The following FAM216B variants were observed in gnomAD, a reference collection of about 807,000 sequenced individuals.
The protein encoded by FAM216B is protein FAM216B.
A neutral mutation model predicts 12.9 loss-of-function variants in FAM216B; 11 were observed. The ratio of observed to expected loss-of-function variants is 0.86; its 90% CI spans 0.54 to 1.42. FAM216B has a LOEUF of 1.42. Among genes scored for constraint, FAM216B ranks in the 40% most tolerant of loss-of-function variants. FAM216B has a pLI of 0.00. For synonymous variants in FAM216B, 52 were observed against 57.2 expected, an observed-to-expected ratio of 0.91 and a Z score of 0.41; for missense variants, 167 against 162.9, an observed-to-expected ratio of 1.02 and a Z score of -0.14.
chr13:42,786,605 C>T (rs1874097499), intron 2 of FAM216B, among the ~76,000 whole-genome samples, 158 bp from the exon 3 acceptor site: 2 of 151,388 alleles, frequency 1.3e-5, no homozygotes, highest in Admixed American at 1.3e-4. Context: ...AGAGGAAACT[C>T]CCCAGTTGTT....
At chr13:42,782,493 C>T (rs1873893160) in intron 1 of FAM216B, among the ~76,000 whole-genome samples, 2 of 152,160 alleles carry the variant, frequency 1.3e-5, no homozygotes, top group African/African-American at 4.8e-5. Context: ...AGTTAATATA[C>T]GTGCAGGTAT....
At chr13:42,782,281 G>T (rs964642267) in intron 1 of FAM216B, among the ~76,000 whole-genome samples, 1 of 152,186 alleles carries the variant, frequency 6.6e-6, no homozygotes, top group Non-Finnish European at 1.5e-5. Flanking sequence ...ATGAACATGC[G>T]TGAAGGTCGG....
intron 2 of FAM216B, among the ~76,000 whole-genome samples, chr13:42,785,936 A>T (rs1187830404): frequency 2.0e-5 from 3 of 152,098 alleles, no homozygotes; most frequent in East Asian, 3.9e-4. Flanking sequence ...TCCTCCCACC[A>T]ATTAGGACAA....
rs1307884018 is a variant in FAM216B at position 42,789,850 on chromosome 13, T to A, written c.*1060T>A. ...ATTGATCTGAAAGGAATATGCTGCATTATTATCAGAAAAAAAATCATTATC... is the reference window on the plus strand; with the variant it reads ...ATTGATCTGAAAGGAATATGCTGCAATATTATCAGAAAAAAAATCATTATC... On this transcript the variant is annotated 3_prime_UTR_variant, in exon 4 of 4. Coordinates refer to ENST00000313851, the MANE Select transcript of FAM216B (RefSeq NM_001318932.2). The A allele has an allele frequency of 6.6e-6, 1 of 152,178 alleles. No individual in the cohort carries two copies. Among genetic ancestry groups the A allele is most frequent in the African/African-American group, 2.4e-5 (1 of 41,442 alleles). 9.4% of individuals were successfully genotyped at this position (152,178 alleles called of 1,614,324 possible). A position where few individuals can be genotyped will look rare whatever the true frequency, so the allele number is the denominator to read the frequency against.
chr13:42,785,292 A>C (rs145446866), intron 2 of FAM216B, among the ~76,000 whole-genome samples: 2 of 152,346 alleles, frequency 1.3e-5, no homozygotes, highest in African/African-American at 4.8e-5. Flanking sequence ...TAAGGCCAAA[A>C]AAACCAAAAA....
At chr13:42,787,817 G>T (rs1316256834) in intron 3 of FAM216B, among the ~76,000 whole-genome samples, 1 of 152,198 alleles carries the variant, frequency 6.6e-6, no homozygotes, top group Non-Finnish European at 1.5e-5. Flanking sequence ...TGTGTCAGGT[G>T]CTCTTCTAAG....
intron 1 of FAM216B, among the ~76,000 whole-genome samples, chr13:42,783,284 G>A (rs1048743800): frequency 1.3e-5 from 2 of 152,214 alleles, no homozygotes; most frequent in African/African-American, 4.8e-5. Context: ...CTCCAGCCTG[G>A]ATGATAGAGT....
Position 42,790,631 on chromosome 13 carries a change from G to A in FAM216B, c.*1841G>A, listed in dbSNP as rs776317843. 6.6e-6 allele frequency: 1 copy of A among 152,186 alleles called. No individual in the cohort carries two copies. Among genetic ancestry groups the A allele is most frequent in the African/African-American group, 2.4e-5 (1 of 41,438 alleles). 9.4% of individuals were successfully genotyped at this position (152,186 alleles called of 1,614,324 possible). A position where few individuals can be genotyped will look rare whatever the true frequency, so the allele number is the denominator to read the frequency against. The stretch of plus-strand genomic sequence containing the variant: ...AAGAAATGTGATTGGTTATGGTGCT[G>A]GGAGAAAGGGGTGCACCTGGGAGGA... On this transcript the variant is annotated 3_prime_UTR_variant, in exon 4 of 4. Coordinates refer to ENST00000313851, the MANE Select transcript of FAM216B (RefSeq NM_001318932.2).
chr13:42,788,708 C>A lies in FAM216B; in HGVS notation c.338C>A (p.Thr113Lys). The A allele has an allele frequency of 6.2e-7, 1 of 1,613,950 alleles. No individual in the cohort carries two copies. The highest frequency in any genetic ancestry group is 1.1e-5 in the South Asian group (1 of 91,064). Residue 113 changes from threonine to lysine, a missense_variant, in exon 4 of 4, where the codon ACA becomes AAA. Transcript: ENST00000313851. Reference sequence around the variant, plus strand: ...ATTCCCCGGAAAACTTCAGCCATGACAAGAAGATGTCCATCAGTACTACCT... The same window carrying A: ...ATTCCCCGGAAAACTTCAGCCATGAAAAGAAGATGTCCATCAGTACTACCT... ...RTIPRKTSAMTRRCPSVLPVS... is the reference protein window; with the variant it reads ...RTIPRKTSAMKRRCPSVLPVS...
rs1163992682 is a variant in FAM216B at position 42,789,516 on chromosome 13, G to A, written c.*726G>A. The A allele has an allele frequency of 2.0e-5, 3 of 152,274 alleles. No individual in the cohort carries two copies. Among genetic ancestry groups the A allele is most frequent in the East Asian group, 3.9e-4 (2 of 5,192 alleles). 9.4% of individuals were successfully genotyped at this position (152,274 alleles called of 1,614,324 possible). On this transcript the variant is annotated 3_prime_UTR_variant, in exon 4 of 4. Transcript: ENST00000313851. ...ACTTTATTTCATGTCCAACCTTTCT[G>A]TGGCCTCAAATGTTTTAAGCAAAGC...
intron 2 of FAM216B, 121 bp downstream of exon 2, chr13:42,784,287 A>C: frequency 1.5e-6 from 1 of 677,184 alleles, no homozygotes; most frequent in East Asian, 2.8e-5. Flanking sequence ...TATTGGCCGC[A>C]TAATAAGCCC....
At chr13:42,784,269 A>T in intron 2 of FAM216B, 103 bp downstream of exon 2, 1 of 789,666 alleles carries the variant, frequency 1.3e-6, no homozygotes, top group East Asian at 2.6e-5. Context: ...ACCTAGCATT[A>T]AGAAGAATAT....
In FAM216B at chr13:42,788,874, A is replaced by G. The variant is rs1380195399; in HGVS notation, c.*84A>G. 1.6e-6 allele frequency: 2 copies of G among 1,276,410 alleles called. No homozygotes were observed. The highest frequency in any genetic ancestry group is 2.1e-6 in the Non-Finnish European group (2 of 934,850). The allele number at this position is 1,276,410 out of a possible 1,614,324, so 79.1% of individuals were successfully genotyped here. ...GTGCTTTGTGCATATTTGTTGAATG[A>G]CAGTGAATAATTTCTAATATAAACC... is the stretch of plus-strand genomic sequence containing the variant. On this transcript the variant is annotated 3_prime_UTR_variant, in exon 4 of 4. Coordinates refer to ENST00000313851, the MANE Select transcript of FAM216B (RefSeq NM_001318932.2).
At position 42,786,765 on chromosome 13, in the gene FAM216B, C is replaced by A. The variant is rs1874105751; in HGVS notation, c.102C>A (p.Ala34=). The change falls in exon 3 of 4, where the codon GCC becomes GCA. Residue 34 remains alanine (A), a splice_region_variant and synonymous_variant. Transcript: ENST00000313851. Reference sequence around the variant, plus strand: ...AATCACCTGTTCTGTTCCAACAGGCCCTCAACCAAGGGCAACAGCGCTACT... The same window carrying A: ...AATCACCTGTTCTGTTCCAACAGGCACTCAACCAAGGGCAACAGCGCTACT... The part of the protein sequence containing the change: ...PSIYDTSLLK[A]LNQGQQRYFY... 6.2e-7 allele frequency: 1 copy of A among 1,613,920 alleles called. No individual in the cohort carries two copies.
rs570462475 is a variant in FAM216B, at chr13:42,783,656, A to T, written c.-14-398A>T. On this transcript the variant is annotated intron_variant, in intron 1 of 3. Coordinates refer to ENST00000313851, the MANE Select transcript of FAM216B (RefSeq NM_001318932.2). ...TCTTATTTTCTTCTTCAATTTTTAA[A>T]TTTTTCCAAATCTTCCAAAACAATA... Among the ~76,000 whole-genome samples, 16 of 152,072 alleles carry T rather than the reference A, an allele frequency of 1.1e-4. No individual in the cohort carries two copies. In the South Asian group the frequency reaches 2.5e-3, roughly 24 times the overall value.
chr13:42,782,258 T>C (rs1873884398), intron 1 of FAM216B, among the ~76,000 whole-genome samples: 1 of 152,200 alleles, frequency 6.6e-6, no homozygotes, highest in Non-Finnish European at 1.5e-5. Flanking sequence ...TGAGTGTGCA[T>C]GTGTTTGTGT....
rs752614462 is a variant in FAM216B at position 42,784,197 on chromosome 13, A to G, written c.99+31A>G. ...GCTTTTTTTTTTTTTTTTTTTTCAC[A>G]GATAGAGTGACCTGTCTGTCTCTCC... On this transcript the variant is annotated intron_variant, in intron 2 of 3. Coordinates refer to ENST00000313851, the MANE Select transcript of FAM216B (RefSeq NM_001318932.2). 3 of 757,292 alleles carry G rather than the reference A, an allele frequency of 4.0e-6. No homozygotes were observed. In the South Asian group the frequency reaches 6.8e-5, roughly 17 times the overall value. 46.9% of individuals were successfully genotyped at this position (757,292 alleles called of 1,614,324 possible).
intron 1 of FAM216B, among the ~76,000 whole-genome samples, chr13:42,782,404 T>A (rs1205909204): frequency 6.6e-6 from 1 of 152,224 alleles, no homozygotes; most frequent in Non-Finnish European, 1.5e-5. Context: ...ATGAGAGGGC[T>A]GAGGCTTACA....
rs573488486 is a variant in FAM216B, at chr13:42,790,089, C to T, written c.*1299C>T. On this transcript the variant is annotated 3_prime_UTR_variant, in exon 4 of 4. Transcript: ENST00000313851. Reference sequence around the variant, plus strand: ...ACTTAATCATAAAGAAGCTTCTTGACCTCTGCAAATTCTGGCCCTGACATG... The same window carrying T: ...ACTTAATCATAAAGAAGCTTCTTGATCTCTGCAAATTCTGGCCCTGACATG... 9 of 152,262 alleles carry T rather than the reference C, an allele frequency of 5.9e-5. No homozygotes were observed. Among genetic ancestry groups the T allele is most frequent in the African/African-American group, 1.9e-4 (8 of 41,562 alleles). 9.4% of individuals were successfully genotyped at this position (152,262 alleles called of 1,614,324 possible).
Sources: allele counts gnomAD v4.1 joint callset (sites outside exome capture counted in the v4.1 genomes callset), GRCh38; gene constraint gnomAD v4.1.1; transcripts MANE v1.5; gene names NCBI Gene and HGNC (gene_info 2026-07-23, HGNC 2026-07-21).